The following AMBRA1 variants were observed in gnomAD, a reference collection of about 807,000 sequenced individuals.
The protein encoded by AMBRA1 is activating molecule in BECN1-regulated autophagy protein 1.
A neutral mutation model predicts 125.4 loss-of-function variants in AMBRA1; 47 were observed. That is an observed-to-expected ratio of 0.37 (90% CI 0.30 to 0.48). The LOEUF is 0.48. Among genes scored for constraint, AMBRA1 ranks in the 20% least tolerant of loss-of-function variants. AMBRA1 has a pLI of 0.99. For missense variants in AMBRA1, 1,331 were observed against 1,693.4 expected (o/e 0.79, Z 3.76); for synonymous variants, 626 against 655.5 (o/e 0.95, Z 0.69).
chr11:46,575,895 C>T (rs2043946291), intron 1 of AMBRA1, among the ~76,000 whole-genome samples: 1 of 152,162 alleles, frequency 6.6e-6, no homozygotes, highest in Non-Finnish European at 1.5e-5. Context: ...TTTAAACTGG[C>T]TCTTGCCTAA....
chr11:46,429,165 C>T, intron 14 of AMBRA1: 2 of 1,558,718 alleles, frequency 1.3e-6, no homozygotes, highest in Non-Finnish European at 1.7e-6. Context: ...CAGGTCTCCG[C>T]CACGCACTGG....
chr11:46,480,306 T>C (rs536769458), intron 11 of AMBRA1, among the ~76,000 whole-genome samples: 1 of 152,174 alleles, frequency 6.6e-6, no homozygotes, highest in African/African-American at 2.4e-5. Context: ...TTTTACCTAC[T>C]AAACCATCTA....
intron 11 of AMBRA1, among the ~76,000 whole-genome samples, chr11:46,475,994 C>T (rs1211756671): frequency 1.3e-5 from 2 of 152,140 alleles, no homozygotes; most frequent in South Asian, 4.1e-4. Flanking sequence ...GCTGCATTAG[C>T]CTTTCAGAAA....
At chr11:46,527,413 G>A (rs1952020292) in intron 7 of AMBRA1, among the ~76,000 whole-genome samples, 1 of 141,510 alleles carries the variant, frequency 7.1e-6, no homozygotes, top group Non-Finnish European at 1.5e-5. Context: ...CCAGGAGGTG[G>A]AGGTTACAGT....
At chr11:46,519,046 G>A (rs957326624) in intron 7 of AMBRA1, among the ~76,000 whole-genome samples, 1 of 151,956 alleles carries the variant, frequency 6.6e-6, no homozygotes, top group African/African-American at 2.4e-5. Flanking sequence ...TTCATTTTTT[G>A]AGACAGAGTT....
At chr11:46,520,147 A>G (rs1246283584) in intron 7 of AMBRA1, among the ~76,000 whole-genome samples, 1 of 152,024 alleles carries the variant, frequency 6.6e-6, no homozygotes, top group East Asian at 1.9e-4. Flanking sequence ...CTCGAAAAAA[A>G]AAAAAAAAAA....
chr11:46,559,898 A>C (rs1445136572), intron 1 of AMBRA1, among the ~76,000 whole-genome samples: 2 of 152,202 alleles, frequency 1.3e-5, no homozygotes, highest in African/African-American at 2.4e-5. Context: ...GGAGAATCTT[A>C]GGGGAAATGG....
chr11:46,584,594 A>C (rs915179592), intron 1 of AMBRA1, among the ~76,000 whole-genome samples: 1 of 152,028 alleles, frequency 6.6e-6, no homozygotes, highest in African/African-American at 2.4e-5. Flanking sequence ...TGCTATAATC[A>C]CTAGAAAGAA....
Position 46,475,228 on chromosome 11 carries a change from T to C in AMBRA1, c.2521+18380A>G, listed in dbSNP as rs538743007. 2.6e-5 allele frequency among the ~76,000 whole-genome samples: 4 copies of C among 152,364 alleles called. No individual in the cohort carries two copies. In the South Asian group the frequency reaches 8.3e-4, roughly 32 times the overall value. ...TATAACTTGGAATGCAAAGTATTAA[T>C]TATGAATAAGAGAAGAATTCAAGTC... On this transcript the variant is annotated intron_variant, in intron 11 of 17. Transcript: ENST00000683756.
chr11:46,430,122 T>G (rs1334315144), intron 14 of AMBRA1, among the ~76,000 whole-genome samples: 1 of 151,894 alleles, frequency 6.6e-6, no homozygotes, highest in Non-Finnish European at 1.5e-5. Context: ...AGGACAAAAA[T>G]TAAAATGATT....
chr11:46,417,090 T>A (rs1946580456), intron 15 of AMBRA1, among the ~76,000 whole-genome samples: 1 of 151,940 alleles, frequency 6.6e-6, no homozygotes, highest in Non-Finnish European at 1.5e-5. Context: ...TCTCACTCTG[T>A]CGCTAGGTTG....
intron 7 of AMBRA1, among the ~76,000 whole-genome samples, chr11:46,538,152 G>A (rs1249160916): frequency 6.6e-6 from 1 of 152,170 alleles, no homozygotes; most frequent in African/African-American, 2.4e-5. Flanking sequence ...TCAAATGGTG[G>A]TCCTTCTTTA....
chr11:46,561,596 C>G (rs1057458637), intron 1 of AMBRA1, among the ~76,000 whole-genome samples: 1 of 152,108 alleles, frequency 6.6e-6, no homozygotes, highest in Admixed American at 6.6e-5. Context: ...AGTACCAGAG[C>G]TACACTCCCA....
chr11:46,537,942 A>G (rs1189913090), intron 7 of AMBRA1, among the ~76,000 whole-genome samples: 1 of 152,244 alleles, frequency 6.6e-6, no homozygotes, highest in African/African-American at 2.4e-5. Flanking sequence ...TAAAAGAACC[A>G]ACCTCGTACA....
At chr11:46,422,171 A>G (rs912458106) in intron 14 of AMBRA1, among the ~76,000 whole-genome samples, 1 of 152,168 alleles carries the variant, frequency 6.6e-6, no homozygotes, top group Admixed American at 6.5e-5. Flanking sequence ...TACAAAACCC[A>G]GCTGCTGATT....
At chr11:46,460,226 AAATC>A (rs1251155610) in intron 11 of AMBRA1, among the ~76,000 whole-genome samples, 2 of 152,252 alleles carry the variant, frequency 1.3e-5, no homozygotes, top group Non-Finnish European at 2.9e-5. Context: ...CAACAGAAAT[AAATC>A]AATCAAACTA....
At chr11:46,569,440 A>ATATATATATAT (rs1555012051) in intron 1 of AMBRA1, among the ~76,000 whole-genome samples, 7 of 131,366 alleles carry the variant, frequency 5.3e-5, no homozygotes, top group African/African-American at 1.5e-4. Context: ...AAAAAAAAAA[A>ATATATATATAT]ATATATATAT....
intron 1 of AMBRA1, among the ~76,000 whole-genome samples, chr11:46,588,538 G>C (rs147674814): frequency 0.018 from 2,702 of 151,936 alleles, 53 homozygotes; most frequent in Admixed American, 0.062. Context: ...CACTTTGGGA[G>C]GCCAAGGCAG....
At chr11:46,547,318 C>T (rs1455851761) in intron 3 of AMBRA1, 22 bp from the exon 4 acceptor site, 1 of 1,587,422 alleles carries the variant, frequency 6.3e-7, no homozygotes, top group Admixed American at 1.8e-5. Context: ...AAGAGTAGAA[C>T]TGAATTCAGA....
Sources: gnomAD v4.1 joint callset for allele counts (sites outside exome capture counted in the v4.1 genomes callset) on GRCh38, gnomAD v4.1.1 for gene constraint, MANE v1.5 for transcripts, NCBI Gene and HGNC (gene_info 2026-07-23, HGNC 2026-07-21) for gene names.